The following SORCS3 variants were observed in gnomAD, a reference collection of about 807,000 sequenced individuals.
SORCS3 encodes VPS10 domain-containing receptor SorCS3.
SORCS3 carries 57 observed loss-of-function variants against 146.3 expected under a neutral mutation model. That is an observed-to-expected ratio of 0.39 (90% CI 0.31 to 0.49). The LOEUF (loss-of-function observed/expected upper bound fraction) is 0.49. Ranked by LOEUF, SORCS3 falls within the 20% of genes least tolerant of loss-of-function variation. The pLI, the probability that SORCS3 is intolerant of heterozygous loss-of-function variation, is 0.92. For synonymous variants in SORCS3, 653 were observed against 618.5 expected, an observed-to-expected ratio of 1.06 and a Z score of -0.83; for missense variants, 1,341 against 1,575.5, an observed-to-expected ratio of 0.85 and a Z score of 2.52.
intron 14 of SORCS3, among the ~76,000 whole-genome samples, chr10:105,178,764 C>T (rs974680691): frequency 5.3e-5 from 8 of 152,114 alleles, no homozygotes; most frequent in South Asian, 4.1e-4. Flanking sequence ...AGTGGGTAAC[C>T]GTAATCCTCC....
intron 20 of SORCS3, among the ~76,000 whole-genome samples, chr10:105,230,569 C>T (rs1449804234): frequency 6.6e-6 from 1 of 152,212 alleles, no homozygotes; most frequent in Non-Finnish European, 1.5e-5. Flanking sequence ...TCACTAACCT[C>T]CCAGCCCACG....
intron 7 of SORCS3, among the ~76,000 whole-genome samples, chr10:105,133,999 A>T (rs1321121591): frequency 3.3e-5 from 5 of 152,124 alleles, no homozygotes; most frequent in African/African-American, 9.7e-5. Context: ...GTCAAAACAG[A>T]TTTTCCGGGA....
intron 22 of SORCS3, among the ~76,000 whole-genome samples, 195 bp downstream of exon 22, chr10:105,247,526 G>C (rs1448814292): frequency 6.6e-6 from 1 of 152,182 alleles, no homozygotes; most frequent in Non-Finnish European, 1.5e-5. Context: ...AAGGCAGGCA[G>C]ATCACTTGAG....
intron 1 of SORCS3, among the ~76,000 whole-genome samples, chr10:104,776,112 C>T (rs143798698): frequency 3.1e-4 from 47 of 152,088 alleles, no homozygotes; most frequent in Middle Eastern, 3.4e-3. Context: ...GTGCTAAGGA[C>T]GCTGGGAGAG....
At chr10:105,170,677 C>A (rs1301131780) in intron 13 of SORCS3, among the ~76,000 whole-genome samples, 1 of 152,058 alleles carries the variant, frequency 6.6e-6, no homozygotes, top group Non-Finnish European at 1.5e-5. Context: ...TAAAGCAATC[C>A]CTCGAAGGGG....
intron 3 of SORCS3, among the ~76,000 whole-genome samples, chr10:104,977,069 A>AG (rs2054903387): frequency 6.6e-6 from 1 of 152,162 alleles, no homozygotes; most frequent in South Asian, 2.1e-4. Context: ...TAATAAAAAA[A>AG]AAAAAGTTCC....
chr10:104,993,076 T>TGATAACACTGATAAC (rs2055004270), intron 4 of SORCS3, among the ~76,000 whole-genome samples: 4 of 151,998 alleles, frequency 2.6e-5, no homozygotes, highest in Non-Finnish European at 1.5e-5. Context: ...GGGGAGAGGG[T>TGATAACACTGATAAC]GCCTGATAAC....
At chr10:105,121,209 T>G (rs1490823611) in intron 7 of SORCS3, among the ~76,000 whole-genome samples, 1 of 152,208 alleles carries the variant, frequency 6.6e-6, no homozygotes, top group Admixed American at 6.5e-5. Flanking sequence ...TACTCACCAA[T>G]CAACAAACAG....
intron 1 of SORCS3, among the ~76,000 whole-genome samples, chr10:104,727,668 A>T (rs2016653990): frequency 6.6e-6 from 1 of 151,982 alleles, no homozygotes; most frequent in Non-Finnish European, 1.5e-5. Flanking sequence ...AGGGGTCCCC[A>T]ACCCCTGGGC....
chr10:104,872,864 G>C (rs2018532906), intron 2 of SORCS3, among the ~76,000 whole-genome samples: 1 of 152,200 alleles, frequency 6.6e-6, no homozygotes. Flanking sequence ...TGAAGTCTTG[G>C]CAGAAGGAAA....
intron 8 of SORCS3, among the ~76,000 whole-genome samples, chr10:105,141,571 G>A (rs1376788155): frequency 6.6e-6 from 1 of 152,176 alleles, no homozygotes; most frequent in Non-Finnish European, 1.5e-5. Flanking sequence ...TCTGCTCCCA[G>A]CTTACATGCT....
chr10:105,037,067 TCTGA>T (rs2055311802), intron 4 of SORCS3, among the ~76,000 whole-genome samples: 1 of 152,200 alleles, frequency 6.6e-6, no homozygotes, highest in South Asian at 2.1e-4. Context: ...TGTTGCCTCT[TCTGA>T]CTAAGTCTGG....
At chr10:104,973,316 A>T (rs1226034764) in intron 3 of SORCS3, among the ~76,000 whole-genome samples, 1 of 151,406 alleles carries the variant, frequency 6.6e-6, no homozygotes, top group Non-Finnish European at 1.5e-5. Flanking sequence ...CTGTGAATCC[A>T]TCTGGTCCTG....
intron 16 of SORCS3, among the ~76,000 whole-genome samples, chr10:105,206,028 C>T (rs2056599987): frequency 6.6e-6 from 1 of 152,100 alleles, no homozygotes; most frequent in Non-Finnish European, 1.5e-5. Flanking sequence ...TTGGGGGTGT[C>T]ACAGCACATA....
In SORCS3 at chr10:105,032,825, C is replaced by T. The variant is rs35308879; in HGVS notation, c.955-10230C>T. 4.6e-3 allele frequency among the ~76,000 whole-genome samples: 697 copies of T among 151,714 alleles called. 3 individuals are homozygous for T. Among genetic ancestry groups the T allele is most frequent in the Non-Finnish European group, 6.1e-3 (412 of 67,964 alleles). On this transcript the variant is annotated intron_variant, in intron 4 of 26. Coordinates refer to ENST00000369701, the MANE Select transcript of SORCS3 (RefSeq NM_014978.3). ...ACAGTGAGGAGGCCAGGAAAGCAGG[C>T]AATAAAGTAGATATTAACAATAGGA... is the stretch of plus-strand genomic sequence containing the variant.
chr10:105,179,076 C>A (rs750257646), intron 14 of SORCS3, among the ~76,000 whole-genome samples: 2 of 152,104 alleles, frequency 1.3e-5, no homozygotes, highest in African/African-American at 2.4e-5. Flanking sequence ...AATCTAGGAG[C>A]CAATAAGTGA....
intron 2 of SORCS3, among the ~76,000 whole-genome samples, chr10:104,899,695 C>T (rs1289025586): frequency 6.6e-6 from 1 of 152,196 alleles, no homozygotes; most frequent in Non-Finnish European, 1.5e-5. Flanking sequence ...TTATACCAGG[C>T]AGATAACTGT....
At chr10:105,140,406 C>T (rs7910908) in intron 8 of SORCS3, among the ~76,000 whole-genome samples, 44,176 of 151,944 alleles carry the variant, frequency 0.29, 6,605 homozygotes, top group Middle Eastern at 0.34. Context: ...GTGAACTAAA[C>T]TCTATGAGTA....
At chr10:104,893,493 C>T (rs1441070809) in intron 2 of SORCS3, among the ~76,000 whole-genome samples, 1 of 152,152 alleles carries the variant, frequency 6.6e-6, no homozygotes, top group Non-Finnish European at 1.5e-5. Context: ...AGTTTGATTT[C>T]ACTTGTAGAG....
Sources: allele counts gnomAD v4.1 joint callset (sites outside exome capture counted in the v4.1 genomes callset), GRCh38; gene constraint gnomAD v4.1.1; transcripts MANE v1.5; gene names NCBI Gene and HGNC (gene_info 2026-07-23, HGNC 2026-07-21).